The following ZNF605 variants were observed in gnomAD, a reference collection of about 807,000 sequenced individuals.
ZNF605 encodes the protein zinc finger protein 605.
In ZNF605, 9 loss-of-function variants were observed where a neutral mutation model predicts 7.9. That is an observed-to-expected ratio of 1.14 (90% CI 0.68 to 1.98). The LOEUF is 1.98. Among genes scored for constraint, ZNF605 ranks in the 30% most tolerant of loss-of-function variants. The probability of loss-of-function intolerance (pLI) is 0.00; values close to 1 mark genes in which losing one functional copy is unlikely to be tolerated. For missense variants in ZNF605, 673 were observed against 762.4 expected, an observed-to-expected ratio of 0.88 and a Z score of 1.38; for synonymous variants, 255 against 260.1, an observed-to-expected ratio of 0.98 and a Z score of 0.19.
In ZNF605 at chr12:132,927,125, A is replaced by T; in HGVS notation, c.174T>A (p.Asp58Glu). The stretch of plus-strand genomic sequence containing the variant: ...CCATACTTTTAAGGTTGTCTTGATT[A>T]TCTCGGAGCCACATTTTGGGATTAT... ...WLDNPKMWLR[D>E]NQDNLKSMER... The change falls in exon 5 of 5, where the codon GAT (aspartate) becomes GAA (glutamate). Residue 58 changes from aspartate to glutamate, a missense_variant. Coordinates refer to ENST00000360187, the MANE Select transcript of ZNF605 (RefSeq NM_183238.4). 5.7e-6 allele frequency: 9 copies of T among 1,576,698 alleles called. No homozygotes were observed. The highest frequency in any genetic ancestry group is 5.1e-6 in the Non-Finnish European group (6 of 1,172,132).
intron 1 of ZNF605, among the ~76,000 whole-genome samples, chr12:132,952,277 T>G (rs1251181802): frequency 1.3e-5 from 2 of 151,642 alleles, no homozygotes; most frequent in African/African-American, 4.8e-5. Context: ...CTGGCCAACA[T>G]GGTGAAACCC....
intron 4 of ZNF605, among the ~76,000 whole-genome samples, chr12:132,928,856 T>G (rs1161010545): frequency 6.6e-6 from 1 of 151,418 alleles, no homozygotes; most frequent in East Asian, 2.0e-4. Context: ...TTCAAATTTT[T>G]TTTTTCTAAA....
intron 2 of ZNF605, among the ~76,000 whole-genome samples, chr12:132,946,205 T>C (rs1222161521): frequency 1.3e-5 from 2 of 151,346 alleles, no homozygotes; most frequent in South Asian, 2.1e-4. Context: ...CTAAATCAAA[T>C]TACTTGTGTT....
In ZNF605 at chr12:132,933,870, A is replaced by G. The variant is rs1952331009; in HGVS notation, c.16-715T>C. Among the ~76,000 whole-genome samples, 1 of 152,248 alleles carries G rather than the reference A, an allele frequency of 6.6e-6. No homozygotes were observed. Among genetic ancestry groups the G allele is most frequent in the Non-Finnish European group, 1.5e-5 (1 of 68,042 alleles). ...AGTGGTTCTCAAAGAAGGTGCCACT[A>G]GTATTTGAGAACCATTCTTAGGTAA... On this transcript the variant is annotated intron_variant, in intron 3 of 4. Coordinates refer to ENST00000360187, the MANE Select transcript of ZNF605 (RefSeq NM_183238.4). The surrounding 1 kb of genome is among the most constrained non-coding windows in gnomAD (Gnocchi z 4.4).
In ZNF605 at chr12:132,953,085, C is replaced by T. The variant is rs994635380; in HGVS notation, c.-286+3158G>A. 9.2e-5 allele frequency among the ~76,000 whole-genome samples: 14 copies of T among 152,288 alleles called. 1 individual carries two copies. In the South Asian group the frequency reaches 2.9e-3, roughly 32 times the overall value. On this transcript the variant is annotated intron_variant, in intron 1 of 4. Coordinates refer to ENST00000360187, the MANE Select transcript of ZNF605 (RefSeq NM_183238.4). ...CTGAGAATTCTCCAGGTCCACATCCCAAGACATCCCCAGATCACTGAATCC... is the reference window on the plus strand; with the variant it reads ...CTGAGAATTCTCCAGGTCCACATCCTAAGACATCCCCAGATCACTGAATCC...
At chr12:132,938,794 C>T (rs1488267499) in intron 3 of ZNF605, among the ~76,000 whole-genome samples, 9 of 152,100 alleles carry the variant, frequency 5.9e-5, no homozygotes, top group South Asian at 2.1e-4. Flanking sequence ...GCGGCGCTTG[C>T]GGGCCAGCTG....
At chr12:132,934,039 C>T (rs1478974585) in intron 3 of ZNF605, among the ~76,000 whole-genome samples, 1 of 152,014 alleles carries the variant, frequency 6.6e-6, no homozygotes, top group Non-Finnish European at 1.5e-5. Flanking sequence ...GGCGGATCAC[C>T]TGAGGTCAGG....
At chr12:132,939,096 C>T (rs996565008) in intron 3 of ZNF605, among the ~76,000 whole-genome samples, 3 of 151,820 alleles carry the variant, frequency 2.0e-5, no homozygotes, top group African/African-American at 7.2e-5. Flanking sequence ...CCCTGCTCCA[C>T]GGCGCCCAGT....
At position 132,935,892 on chromosome 12, in the gene ZNF605, T is replaced by TA. The variant is rs146610476; in HGVS notation, c.16-2738dup. ...TGGGTGACAGAGTGAGACTCTGTCT[T>TA]AAAAAAAAAAAAAAAAAAATTAGCC... On this transcript the variant is annotated intron_variant, in intron 3 of 4. Transcript: ENST00000360187. Among the ~76,000 whole-genome samples, 26 of 98,280 alleles carry TA rather than the reference T, an allele frequency of 2.6e-4. 2 individuals are homozygous for TA. The highest frequency in any genetic ancestry group is 1.1e-3 in the Admixed American group (10 of 8,726). 64.5% of individuals were successfully genotyped at this position (98,280 alleles called of 152,430 possible). A position where few individuals can be genotyped will look rare whatever the true frequency, so the allele number is the denominator to read the frequency against.
At chr12:132,938,872 G>A (rs374184561) in intron 3 of ZNF605, among the ~76,000 whole-genome samples, 15 of 152,144 alleles carry the variant, frequency 9.9e-5, no homozygotes, top group African/African-American at 3.4e-4. Flanking sequence ...TGCTGGCCCC[G>A]GGCAATGGGG....
At chr12:132,951,055 T>TA (rs1952558060) in intron 1 of ZNF605, among the ~76,000 whole-genome samples, 1 of 145,542 alleles carries the variant, frequency 6.9e-6, no homozygotes, top group South Asian at 2.2e-4. Context: ...CACAGATACA[T>TA]CATACACAGA....
At chr12:132,938,650 T>C (rs956252062) in intron 3 of ZNF605, among the ~76,000 whole-genome samples, 3 of 152,142 alleles carry the variant, frequency 2.0e-5, no homozygotes, top group Non-Finnish European at 4.4e-5. Context: ...CCCACTTTGG[T>C]GGCATTTGAG....
intron 1 of ZNF605, among the ~76,000 whole-genome samples, chr12:132,951,108 G>A (rs1952558883): frequency 2.1e-5 from 3 of 145,042 alleles, no homozygotes; most frequent in Admixed American, 6.9e-5. Context: ...ACTCACAGAC[G>A]TACAGACACA....
intron 1 of ZNF605, among the ~76,000 whole-genome samples, chr12:132,954,711 C>A (rs1240436693): frequency 1.3e-5 from 2 of 151,770 alleles, no homozygotes; most frequent in African/African-American, 4.8e-5. Context: ...CATGCTGGAG[C>A]ATTCACTGAC....
chr12:132,943,367 A>C (rs1952464375), intron 3 of ZNF605, among the ~76,000 whole-genome samples: 2 of 151,836 alleles, frequency 1.3e-5, no homozygotes, highest in African/African-American at 4.8e-5. Context: ...TCAAAAAAAA[A>C]AAAAACAAAA....
intron 1 of ZNF605, among the ~76,000 whole-genome samples, chr12:132,951,847 AC>A (rs1952574067): frequency 6.6e-6 from 1 of 151,824 alleles, no homozygotes; most frequent in Non-Finnish European, 1.5e-5. Flanking sequence ...ATACACGCAT[AC>A]ATCACACACT....
chr12:132,931,987 A>G (rs1194648572), intron 4 of ZNF605, among the ~76,000 whole-genome samples: 1 of 152,198 alleles, frequency 6.6e-6, no homozygotes, highest in Non-Finnish European at 1.5e-5. Flanking sequence ...TGCCTAGCAC[A>G]TCCATGGCAC....
Position 132,926,943 on chromosome 12 carries a change from T to G in ZNF605, c.356A>C (p.Lys119Thr). ...TAATTTCTTATTGAGTTCATCAATTTTCTTTCTTTCACAATTATTTTTTGG... is the reference window on the plus strand; with the variant it reads ...TAATTTCTTATTGAGTTCATCAATTGTCTTTCTTTCACAATTATTTTTTGG... The part of the protein sequence containing the change: ...LIPKNNCERK[K>T]IDELNKKLLF... The change falls in exon 5 of 5, where the codon AAA (lysine) becomes ACA (threonine). Residue 119 changes from lysine (K) to threonine (T), a missense_variant. By Grantham distance (78) the Lys-to-Thr change is moderately conservative. Coordinates refer to ENST00000360187, the MANE Select transcript of ZNF605 (RefSeq NM_183238.4). The G allele has an allele frequency of 6.2e-7, 1 of 1,610,864 alleles. No individual in the cohort carries two copies.
intron 3 of ZNF605, among the ~76,000 whole-genome samples, chr12:132,942,275 C>A (rs1430866146): frequency 6.6e-6 from 1 of 152,124 alleles, no homozygotes; most frequent in Non-Finnish European, 1.5e-5. Context: ...CCTAAAAAAC[C>A]AAACACAAGA....
Sources: allele counts gnomAD v4.1 joint callset (sites outside exome capture counted in the v4.1 genomes callset), GRCh38; gene constraint gnomAD v4.1.1; non-coding constraint Gnocchi (gnomAD v3.1); transcripts MANE v1.5; gene names NCBI Gene and HGNC (gene_info 2026-07-23, HGNC 2026-07-21).